Variants in SLC27A1 observed in about 807,000 individuals in gnomAD.
SLC27A1 encodes the protein long-chain fatty acid transport protein 1.
In SLC27A1, 61 loss-of-function variants were observed where a neutral mutation model predicts 62.2. The ratio of observed to expected loss-of-function variants is 0.98; its 90% CI spans 0.80 to 1.21. The LOEUF is 1.21. Among genes scored for constraint, SLC27A1 ranks in the 50% most tolerant of loss-of-function variants. The pLI, the probability that SLC27A1 is intolerant of heterozygous loss-of-function variation, is 0.00. For synonymous variants in SLC27A1, 435 were observed against 408.6 expected (o/e 1.06, Z -0.78); for missense variants, 903 against 932.1 (o/e 0.97, Z 0.41).
intron 6 of SLC27A1, chr19:17,496,824 G>C (rs538821717): frequency 6.3e-6 from 1 of 158,998 alleles, no homozygotes; most frequent in South Asian, 1.5e-4. Flanking sequence ...GCTGAGGCAG[G>C]AGGATTGCTT....
chr19:17,471,773 T>C (rs995202844), intron 1 of SLC27A1, among the ~76,000 whole-genome samples: 1 of 152,172 alleles, frequency 6.6e-6, no homozygotes, highest in Non-Finnish European at 1.5e-5. Context: ...CTGCATGCCA[T>C]GGCCCCCTGC....
At position 17,488,790 on chromosome 19, in the gene SLC27A1, G is replaced by C. The variant is rs527730318; in HGVS notation, c.795-58G>C. 7 of 1,492,672 alleles carry C rather than the reference G, an allele frequency of 4.7e-6. No homozygotes were observed. The South Asian group carries it at 8.2e-5, about 17-fold the overall frequency. 92.5% of individuals were successfully genotyped at this position (1,492,672 alleles called of 1,614,324 possible). On this transcript the variant is annotated intron_variant, in intron 4 of 11. Coordinates refer to ENST00000252595, the MANE Select transcript of SLC27A1 (RefSeq NM_198580.3). ...ACATGCAGCATGCTTCCCCATGCCT[G>C]TACCCTGGGGGATTTAGGTCCCAGC...
chr19:17,478,890 G>A (rs901839670), intron 1 of SLC27A1, among the ~76,000 whole-genome samples: 2 of 151,928 alleles, frequency 1.3e-5, no homozygotes, highest in African/African-American at 2.4e-5. Context: ...AGAAGGCAGA[G>A]TGTTGTCTTG....
chr19:17,488,643 C>T, intron 4 of SLC27A1: 3 of 606,942 alleles, frequency 4.9e-6, no homozygotes, highest in Non-Finnish European at 5.9e-6. Context: ...ATCAGCCCCT[C>T]TATGCCCCTT....
intron 11 of SLC27A1, among the ~76,000 whole-genome samples, chr19:17,502,674 C>A (rs1391508740): frequency 1.3e-5 from 2 of 151,304 alleles, no homozygotes; most frequent in Non-Finnish European, 2.9e-5. Flanking sequence ...TTTTCTTTTT[C>A]TTTTGTTTTT....
chr19:17,474,038 G>A (rs891478538), intron 1 of SLC27A1, among the ~76,000 whole-genome samples: 1 of 152,004 alleles, frequency 6.6e-6, no homozygotes, highest in African/African-American at 2.4e-5. Flanking sequence ...AACTTCCTGG[G>A]CTCAAATGAT....
intron 6 of SLC27A1, among the ~76,000 whole-genome samples, chr19:17,493,159 C>T (rs929912136): frequency 2.0e-5 from 3 of 150,290 alleles, no homozygotes; most frequent in Non-Finnish European, 4.4e-5. Flanking sequence ...CAGGGCCGGG[C>T]GCGGCGGCTC....
intron 1 of SLC27A1, among the ~76,000 whole-genome samples, chr19:17,476,706 G>A (rs1452305429): frequency 6.6e-6 from 1 of 152,038 alleles, no homozygotes; most frequent in African/African-American, 2.4e-5. Context: ...TTTCTGGGTT[G>A]TTCTGTCCTC....
chr19:17,470,646 G>A lies in SLC27A1; in HGVS notation c.106G>A (p.Val36Met), dbSNP rs2075066564. 1.3e-6 allele frequency: 2 copies of A among 1,582,602 alleles called. No homozygotes were observed. Among genetic ancestry groups the A allele is most frequent in the East Asian group, 2.3e-5 (1 of 43,794 alleles). ...WSAAAALGVY[V>M]GSGGWRFLRI... ...CGCGGCAGCGGCGCTCGGCGTGTACGTGGGCAGCGGCGGCTGGCGCTTCCT... is the reference window on the plus strand; with the variant it reads ...CGCGGCAGCGGCGCTCGGCGTGTACATGGGCAGCGGCGGCTGGCGCTTCCT... The change falls in exon 1 of 12, where the codon GTG becomes ATG. Residue 36 changes from valine (V) to methionine (M), a missense_variant. Coordinates refer to ENST00000252595, the MANE Select transcript of SLC27A1 (RefSeq NM_198580.3).
intron 10 of SLC27A1, among the ~76,000 whole-genome samples, 188 bp downstream of exon 10, chr19:17,501,064 G>C (rs191174803): frequency 2.2e-4 from 34 of 152,380 alleles, no homozygotes; most frequent in African/African-American, 8.2e-4. Flanking sequence ...TTGTCATCCA[G>C]AAAATGGGAT....
At chr19:17,478,924 T>C in intron 1 of SLC27A1, among the ~76,000 whole-genome samples, 1 of 151,814 alleles carries the variant, frequency 6.6e-6, no homozygotes, top group African/African-American at 2.4e-5. Context: ...GGAACATGCA[T>C]GTTGGCAATT....
Position 17,501,439 on chromosome 19 carries a change from CAA to C in SLC27A1, c.1783+21_1783+22del. ...CCACAGGTGCGAGTCTCCCCCACTC[CAA>C]TCTCTCTCTTCATCCATCAGTGTGT... On this transcript the variant is annotated intron_variant, in intron 11 of 11. Transcript: ENST00000252595. The C allele has an allele frequency of 6.2e-7, 1 of 1,607,122 alleles. No individual in the cohort carries two copies. Among genetic ancestry groups the C allele is most frequent in the Non-Finnish European group, 8.5e-7 (1 of 1,176,622 alleles).
At chr19:17,501,228 G>T (rs2075408900) in intron 10 of SLC27A1, 45 bp from the exon 11 acceptor site, 1 of 1,603,400 alleles carries the variant, frequency 6.2e-7, no homozygotes, top group Non-Finnish European at 8.5e-7. Context: ...CTGCTGGTGG[G>T]GAGGATGAGA....
At chr19:17,502,459 C>G (rs1271391088) in intron 11 of SLC27A1, among the ~76,000 whole-genome samples, 2 of 144,808 alleles carry the variant, frequency 1.4e-5, no homozygotes, top group East Asian at 2.2e-4. Context: ...TCAAGCGATT[C>G]TCCTGCCTCA....
chr19:17,473,892 T>G (rs1319273555), intron 1 of SLC27A1, among the ~76,000 whole-genome samples: 1 of 152,108 alleles, frequency 6.6e-6, no homozygotes, highest in Non-Finnish European at 1.5e-5. Context: ...AACAAAGATT[T>G]AACTCATTTA....
chr19:17,493,115 T>TC (rs1223208725), intron 6 of SLC27A1, among the ~76,000 whole-genome samples: 1 of 133,626 alleles, frequency 7.5e-6, no homozygotes, highest in African/African-American at 2.8e-5. Context: ...AGAGTGAGAC[T>TC]CCATCTCAAA....
intron 7 of SLC27A1, chr19:17,499,134 T>A (rs2075381592): frequency 9.6e-6 from 2 of 208,348 alleles, no homozygotes; most frequent in African/African-American, 2.4e-5. Context: ...GGAGACTCCC[T>A]TTCCCGGTCC....
At position 17,478,466 on chromosome 19, in the gene SLC27A1, C is replaced by CAAAAAA. The variant is rs869214050; in HGVS notation, c.167+7774_167+7779dup. ...TGGGCGACAGAGCAAGACTCCGTCT[C>CAAAAAA]AAAAAAAAAAAAAAAAAAAAGGCAC... On this transcript the variant is annotated intron_variant, in intron 1 of 11. Coordinates refer to ENST00000252595, the MANE Select transcript of SLC27A1 (RefSeq NM_198580.3). Among the ~76,000 whole-genome samples the CAAAAAA allele has an allele frequency of 7.2e-3, 349 of 48,392 alleles. 6 individuals carry two copies. The highest frequency in any genetic ancestry group is 0.011 in the Non-Finnish European group (286 of 25,510). The allele number at this position is 48,392 out of a possible 152,430, so 31.7% of individuals were successfully genotyped here. A position where few individuals can be genotyped will look rare whatever the true frequency, so the allele number is the denominator to read the frequency against.
Position 17,487,354 on chromosome 19 carries a change from C to T in SLC27A1, c.724+19C>T. 6.3e-7 allele frequency: 1 copy of T among 1,595,438 alleles called. No individual in the cohort carries two copies. The highest frequency in any genetic ancestry group is 2.3e-5 in the East Asian group (1 of 44,040). On this transcript the variant is annotated intron_variant, in intron 3 of 11. Coordinates refer to ENST00000252595, the MANE Select transcript of SLC27A1 (RefSeq NM_198580.3). Reference sequence around the variant, plus strand: ...ATGGACGGTGAGTCAAGGGTGGGACCCCTGCTCTATCAACTGGTTTCCTAC... The same window carrying T: ...ATGGACGGTGAGTCAAGGGTGGGACTCCTGCTCTATCAACTGGTTTCCTAC...
Sources: allele counts gnomAD v4.1 joint callset (sites outside exome capture counted in the v4.1 genomes callset), GRCh38; gene constraint gnomAD v4.1.1; transcripts MANE v1.5; gene names NCBI Gene and HGNC (gene_info 2026-07-23, HGNC 2026-07-21).